COL6A2: variants seen among roughly 807,000 people sequenced by gnomAD.
COL6A2 encodes collagen type VI alpha 2 chain, also known as collagen alpha-2(VI) chain.
In COL6A2, 90 loss-of-function variants were observed where a neutral mutation model predicts 124.9. That is an observed-to-expected ratio of 0.72 (90% CI 0.61 to 0.86). The LOEUF (loss-of-function observed/expected upper bound fraction) is 0.86. Ranked by LOEUF, COL6A2 falls within the 40% of genes least tolerant of loss-of-function variation. COL6A2 has a pLI of 0.00. For synonymous variants in COL6A2, 793 were observed against 618.2 expected (o/e 1.28, Z -4.19); for missense variants, 1,607 against 1,502.5 (o/e 1.07, Z -1.15).
At chr21:46,099,779 C>A (rs906856314) in intron 1 of COL6A2, among the ~76,000 whole-genome samples, 20 of 151,994 alleles carry the variant, frequency 1.3e-4, no homozygotes, top group Admixed American at 5.2e-4. Flanking sequence ...TCCCAGCTCA[C>A]AGGGCGCCTG....
Position 46,112,168 on chromosome 21 carries a change from C to A in COL6A2, c.305C>A (p.Ser102Tyr). ...TGGCGCTACGGCGGCCTGCACTTCT[C>A]TGACCAGGTGGAGGTGTTCAGCCCA... ...LSWRYGGLHFSDQVEVFSPPG... is the reference protein window; with the variant it reads ...LSWRYGGLHFYDQVEVFSPPG... Residue 102 changes from serine to tyrosine, a missense_variant, in exon 3 of 28, where the codon TCT (serine) becomes TAT (tyrosine). Physicochemically the swap from Ser to Tyr is moderately radical, Grantham distance 144. This residue lies in a region of COL6A2 where 342 missense variants were observed against 381.5 expected (regional missense o/e 0.90). Transcript: ENST00000300527. The A allele has an allele frequency of 6.2e-7, 1 of 1,613,052 alleles. No homozygotes were observed. The highest frequency in any genetic ancestry group is 8.5e-7 in the Non-Finnish European group (1 of 1,180,034).
intron 27 of COL6A2, among the ~76,000 whole-genome samples, chr21:46,127,607 G>A (rs778088070): frequency 6.6e-6 from 1 of 152,198 alleles, no homozygotes; most frequent in African/African-American, 2.4e-5. Flanking sequence ...TGGACCCTGA[G>A]GGCAGGAACC....
intron 26 of COL6A2, 89 bp downstream of exon 26, chr21:46,126,326 GGGATGAAT>G (rs1321452373): frequency 6.5e-7 from 1 of 1,543,990 alleles, no homozygotes; most frequent in African/African-American, 1.4e-5. Context: ...CCTCACCTGA[GGGATGAAT>G]GTGCAGCCCA....
At chr21:46,129,529 G>C (rs762921848) in intron 27 of COL6A2, 1 of 1,520,116 alleles carries the variant, frequency 6.6e-7, no homozygotes, top group Non-Finnish European at 8.8e-7. Context: ...GGCCCTCCCT[G>C]CCACACTAGC....
chr21:46,114,210 A>G (rs1601222303), intron 5 of COL6A2, 137 bp downstream of exon 5: 1 of 724,566 alleles, frequency 1.4e-6, no homozygotes, highest in South Asian at 1.4e-5. Context: ...GCGGATCACA[A>G]CGTCAGGAGA....
Position 46,116,079 on chromosome 21 carries a change from G to T in COL6A2, c.900+26G>T. 1 of 1,559,120 alleles carries T rather than the reference G, an allele frequency of 6.4e-7. No individual in the cohort carries two copies. Among genetic ancestry groups the T allele is most frequent in the African/African-American group, 1.4e-5 (1 of 73,444 alleles). ...GTGAGTGACCTCGGCCAGGGGCTTG[G>T]CTCCACCCTGAGGCCCCAGCACTGC... On this transcript the variant is annotated intron_variant, in intron 7 of 27. Transcript: ENST00000300527. The surrounding 1 kb of genome is among the most constrained non-coding windows in gnomAD (Gnocchi z 4.6).
Position 46,116,422 on chromosome 21 carries a change from C to T in COL6A2, c.927+19C>T, listed in dbSNP as rs2078471158. ...AGAGAAGGTGAGGCTCTTGCCCTGA[C>T]AGACCTCAGACCTGCGCCAGCCTCG... is the stretch of plus-strand genomic sequence containing the variant. On this transcript the variant is annotated intron_variant, in intron 8 of 27. Coordinates refer to ENST00000300527, the MANE Select transcript of COL6A2 (RefSeq NM_001849.4). The surrounding 1 kb of genome is among the most constrained non-coding windows in gnomAD (Gnocchi z 4.6). 1.9e-6 allele frequency: 3 copies of T among 1,612,434 alleles called. No homozygotes were observed. The highest frequency in any genetic ancestry group is 1.3e-5 in the African/African-American group (1 of 74,864).
Position 46,116,554 on chromosome 21 carries a change from C to T in COL6A2, c.928-97C>T. The T allele has an allele frequency of 6.3e-7, 1 of 1,592,422 alleles. No individual in the cohort carries two copies. The highest frequency in any genetic ancestry group is 8.6e-7 in the Non-Finnish European group (1 of 1,163,414). On this transcript the variant is annotated intron_variant, in intron 8 of 27. Transcript: ENST00000300527. This position sits in a 1 kb window ranked among gnomAD's most constrained non-coding sequence, Gnocchi z 4.6. Reference sequence around the variant, plus strand: ...TGGGGGCTCCTGGGGGGTCCTGTGGCCTTGAGTTTGGCCCAAGGGCTTTGC... The same window carrying T: ...TGGGGGCTCCTGGGGGGTCCTGTGGTCTTGAGTTTGGCCCAAGGGCTTTGC...
chr21:46,114,118 C>T, intron 5 of COL6A2, 45 bp downstream of exon 5: 1 of 1,545,866 alleles, frequency 6.5e-7, no homozygotes, highest in East Asian at 2.2e-5. Context: ...ACCAGGAAGC[C>T]CCTGATTTGT....
chr21:46,108,064 TTC>T lies in COL6A2; in HGVS notation c.-27-3382_-27-3381del, dbSNP rs916099740. 2.0e-5 allele frequency among the ~76,000 whole-genome samples: 3 copies of T among 150,886 alleles called. No homozygotes were observed. In the East Asian group the frequency reaches 5.9e-4, roughly 30 times the overall value. ...TTTTCTCTCCCTAATCTCCCCTCCTTTCTCTTTCTTTCTCTCTTTCTCTCTGT... is the reference window on the plus strand; with the variant it reads ...TTTTCTCTCCCTAATCTCCCCTCCTTTCTTTCTTTCTCTCTTTCTCTCTGT... On this transcript the variant is annotated intron_variant, in intron 1 of 27. Transcript: ENST00000300527.
rs535307317 is a variant in COL6A2, at chr21:46,127,539, T to C, written c.2461+998T>C. Among the ~76,000 whole-genome samples the C allele has an allele frequency of 6.6e-5, 10 of 152,276 alleles. No individual in the cohort carries two copies. In the South Asian group the frequency reaches 1.9e-3, roughly 28 times the overall value. On this transcript the variant is annotated intron_variant, in intron 27 of 27. Transcript: ENST00000300527. The stretch of plus-strand genomic sequence containing the variant: ...CTGGCCCCACAACAGTGGGCTGTGC[T>C]TCTGCCGCCAAGGTGCAGGCGTCCT...
At chr21:46,098,412 A>C in intron 1 of COL6A2, among the ~76,000 whole-genome samples, 1 of 145,120 alleles carries the variant, frequency 6.9e-6, no homozygotes. Context: ...ACTTGGGGCC[A>C]CCTCCCCGCG....
At chr21:46,110,285 G>A (rs1301944697) in intron 1 of COL6A2, among the ~76,000 whole-genome samples, 5 of 152,104 alleles carry the variant, frequency 3.3e-5, no homozygotes, top group South Asian at 2.1e-4. Context: ...ATGGGCTGCC[G>A]CTGCCATCAG....
chr21:46,106,846 T>A (rs1266924928), intron 1 of COL6A2, among the ~76,000 whole-genome samples: 1 of 152,234 alleles, frequency 6.6e-6, no homozygotes, highest in African/African-American at 2.4e-5. Flanking sequence ...CTCTATTTTT[T>A]ATTTTGCTCA....
chr21:46,116,621 G>A lies in COL6A2; in HGVS notation c.928-30G>A, dbSNP rs1333477747. On this transcript the variant is annotated intron_variant, in intron 8 of 27. Coordinates refer to ENST00000300527, the MANE Select transcript of COL6A2 (RefSeq NM_001849.4). This position sits in a 1 kb window ranked among gnomAD's most constrained non-coding sequence, Gnocchi z 4.6. The stretch of plus-strand genomic sequence containing the variant: ...TGCCCATGATGCTTTGAGGCACCGA[G>A]CTCACTGCGCCGGCTTTCCTCCTAC... 6.2e-7 allele frequency: 1 copy of A among 1,612,900 alleles called. No homozygotes were observed. The highest frequency in any genetic ancestry group is 8.5e-7 in the Non-Finnish European group (1 of 1,179,996).
chr21:46,122,064 C>A, intron 18 of COL6A2, 44 bp from the exon 19 acceptor site: 1 of 1,606,576 alleles, frequency 6.2e-7, no homozygotes, highest in East Asian at 2.2e-5. Context: ...CCCAGCCCCA[C>A]CCCGTCCTAT....
chr21:46,123,021 C>T (rs553321928), intron 21 of COL6A2, 84 bp downstream of exon 21: 21 of 1,313,054 alleles, frequency 1.6e-5, no homozygotes, highest in African/African-American at 5.8e-5. Flanking sequence ...TCTATGAGTA[C>T]AGGAGAACGC....
chr21:46,114,610 A>G (rs1005568359), intron 5 of COL6A2, among the ~76,000 whole-genome samples: 3 of 152,230 alleles, frequency 2.0e-5, no homozygotes, highest in Admixed American at 6.5e-5. Flanking sequence ...AAGCAAGCAT[A>G]TTCAAGTAAG....
intron 12 of COL6A2, 52 bp downstream of exon 12, chr21:46,117,988 G>A (rs2078502689): frequency 1.3e-6 from 2 of 1,553,838 alleles, no homozygotes; most frequent in Non-Finnish European, 1.8e-6. Flanking sequence ...GCTTCCAGGG[G>A]CCTCCTGGAG....
Sources: allele counts gnomAD v4.1 joint callset (sites outside exome capture counted in the v4.1 genomes callset), GRCh38; gene constraint gnomAD v4.1.1; regional missense constraint gnomAD v4.1.1; non-coding constraint Gnocchi (gnomAD v3.1); transcripts MANE v1.5; gene names NCBI Gene and HGNC (gene_info 2026-07-23, HGNC 2026-07-21).